The following ABCA4 variants were observed in gnomAD, a reference collection of about 807,000 sequenced individuals.
The protein encoded by ABCA4 is retinal-specific phospholipid-transporting ATPase ABCA4.
ABCA4 carries 196 observed loss-of-function variants against 263.7 expected under a neutral mutation model. The observed-to-expected ratio is 0.74, with a 90% CI of 0.66 to 0.84. The LOEUF is 0.84. ABCA4 is among the 40% of genes least tolerant of loss of function. The probability of loss-of-function intolerance (pLI) is 0.00; values close to 1 mark genes in which losing one functional copy is unlikely to be tolerated. For synonymous variants in ABCA4, 1,133 were observed against 1,094.2 expected, an observed-to-expected ratio of 1.04 and a Z score of -0.70; for missense variants, 2,792 against 2,855.1, an observed-to-expected ratio of 0.98 and a Z score of 0.50.
intron 2 of ABCA4, among the ~76,000 whole-genome samples, chr1:94,112,603 G>A (rs1662641608): frequency 6.6e-6 from 1 of 152,092 alleles, no homozygotes. Flanking sequence ...TTCAAGACCA[G>A]CCCGGGCAAT....
At chr1:94,057,602 A>G (rs1661016836) in intron 14 of ABCA4, among the ~76,000 whole-genome samples, 1 of 152,194 alleles carries the variant, frequency 6.6e-6, no homozygotes, top group Non-Finnish European at 1.5e-5. Flanking sequence ...AATCCAAATC[A>G]CTTGGAAGTG....
intron 4 of ABCA4, among the ~76,000 whole-genome samples, chr1:94,105,565 C>T (rs762777817): frequency 9.2e-5 from 13 of 141,780 alleles, no homozygotes; most frequent in Admixed American, 3.0e-4. Flanking sequence ...AAATAAATTT[C>T]GTTTAAAATG....
intron 30 of ABCA4, among the ~76,000 whole-genome samples, chr1:94,026,109 C>T (rs1161703106): frequency 6.6e-6 from 1 of 152,202 alleles, no homozygotes; most frequent in Non-Finnish European, 1.5e-5. Context: ...CTCATAAAAG[C>T]ATTCACTCTG....
At chr1:94,107,366 G>C (rs1010100848) in intron 4 of ABCA4, among the ~76,000 whole-genome samples, 1 of 152,168 alleles carries the variant, frequency 6.6e-6, no homozygotes, top group Admixed American at 6.5e-5. Flanking sequence ...ATTTTGGGGG[G>C]CTTTACTTCC....
chr1:94,113,200 C>T (rs1662660881), intron 1 of ABCA4, 134 bp from the exon 2 acceptor site: 3 of 810,148 alleles, frequency 3.7e-6, no homozygotes, highest in African/African-American at 3.4e-5. Flanking sequence ...TTTACCTAAA[C>T]AGTTTCCTTC....
intron 40 of ABCA4, among the ~76,000 whole-genome samples, chr1:94,009,380 C>G (rs1349763971): frequency 2.0e-5 from 3 of 152,130 alleles, no homozygotes. Context: ...GTCATCAGGC[C>G]ACCTCATGCC....
chr1:94,024,958 T>C lies in ABCA4; in HGVS notation c.4630A>G (p.Ser1544Gly). 1 of 1,612,764 alleles carries C rather than the reference T, an allele frequency of 6.2e-7. No individual in the cohort carries two copies. Among genetic ancestry groups the C allele is most frequent in the Non-Finnish European group, 8.5e-7 (1 of 1,178,704 alleles). The change falls in exon 31 of 50, where the codon AGC becomes GGC. Residue 1544 changes from serine to glycine, a missense_variant. Coordinates refer to ENST00000370225, the MANE Select transcript of ABCA4 (RefSeq NM_000350.3). Reference sequence around the variant, plus strand: ...CATAAAAGGATTTCTTCTTACCTGCTTCTTATAAGAGCAGGATACGTTTTT... The same window carrying C: ...CATAAAAGGATTTCTTCTTACCTGCCTCTTATAAGAGCAGGATACGTTTTT... ...LVKTYPALIR[S>G]SLKSKFWVNE...
intron 6 of ABCA4, among the ~76,000 whole-genome samples, chr1:94,086,923 C>T (rs559568064): frequency 6.6e-6 from 1 of 152,252 alleles, no homozygotes; most frequent in East Asian, 1.9e-4. Context: ...GCTGGGTAAA[C>T]AACAGAAATC....
chr1:94,019,638 A>G lies in ABCA4; in HGVS notation c.5140T>C (p.Phe1714Leu), dbSNP rs1012443608. The change falls in exon 36 of 50, where the codon TTT (phenylalanine) becomes CTT (leucine). Residue 1714 changes from phenylalanine to leucine, a missense_variant. Transcript: ENST00000370225. ...GTGGTGGGGCTCACTCCACTGATAA[A>G]CTGGAGGTGCTTGGATTTGTTCACC... The part of the protein sequence containing the change: ...ERVNKSKHLQ[F>L]ISGVSPTTYW... 1.2e-6 allele frequency: 2 copies of G among 1,612,360 alleles called. No individual in the cohort carries two copies. Among genetic ancestry groups the G allele is most frequent in the African/African-American group, 2.7e-5 (2 of 74,888 alleles).
intron 6 of ABCA4, 47 bp downstream of exon 6, chr1:94,098,747 C>T (rs764563400): frequency 2.5e-6 from 4 of 1,603,382 alleles, no homozygotes; most frequent in South Asian, 1.1e-5. Context: ...GCTCTGCTAC[C>T]CCAGGAATCA....
At position 94,044,675 on chromosome 1, in the gene ABCA4, GGTTTCAAT is replaced by G. The variant is rs1306732480; in HGVS notation, c.2980_2987del (p.Ile994GlnfsTer26). ...GGCTCTGCCGGACTGCATCCAGGCT[GGTTTCAAT>G]GTCCCTTCCCCCAACGAGCACAGTC... On this transcript the variant is annotated frameshift_variant, in exon 20 of 50. Transcript: ENST00000370225. LOFTEE classifies it high-confidence loss of function. The G allele has an allele frequency of 6.2e-7, 1 of 1,614,074 alleles. No homozygotes were observed. The highest frequency in any genetic ancestry group is 1.3e-5 in the African/African-American group (1 of 74,916).
chr1:94,011,856 TCTCCCTGCAGA>T (rs2101009386), intron 38 of ABCA4, among the ~76,000 whole-genome samples: 1 of 152,220 alleles, frequency 6.6e-6, no homozygotes, highest in East Asian at 1.9e-4. Context: ...CTTAGGGAGC[TCTCCCTGCAGA>T]CTCACTTTGA....
chr1:94,010,602 G>T (rs1461821459), intron 40 of ABCA4, 198 bp downstream of exon 40: 3 of 746,936 alleles, frequency 4.0e-6, no homozygotes, highest in Non-Finnish European at 7.0e-6. Flanking sequence ...ATTTTAAAGT[G>T]GATGCTCTTC....
chr1:94,097,995 G>A (rs544273600), intron 6 of ABCA4, among the ~76,000 whole-genome samples: 76 of 152,292 alleles, frequency 5.0e-4, no homozygotes, highest in Non-Finnish European at 7.9e-4. Context: ...CTGACCTCAT[G>A]ATCCGCCCGC....
At chr1:94,058,005 T>C (rs2101071539) in intron 14 of ABCA4, among the ~76,000 whole-genome samples, 1 of 152,336 alleles carries the variant, frequency 6.6e-6, no homozygotes, top group South Asian at 2.1e-4. Context: ...AAGAGACCAA[T>C]GAGCTGTATC....
intron 30 of ABCA4, among the ~76,000 whole-genome samples, chr1:94,027,580 G>C (rs1166004983): frequency 6.6e-6 from 1 of 152,170 alleles, no homozygotes; most frequent in African/African-American, 2.4e-5. Context: ...AGAAAATATT[G>C]CTTGAGAAAT....
At chr1:94,088,738 G>A (rs1236426828) in intron 6 of ABCA4, among the ~76,000 whole-genome samples, 1 of 152,160 alleles carries the variant, frequency 6.6e-6, no homozygotes, top group Non-Finnish European at 1.5e-5. Context: ...ACATCTGAAA[G>A]GCTACTTTAG....
At chr1:94,062,889 C>A in intron 12 of ABCA4, 136 bp from the exon 13 acceptor site, 2 of 1,100,520 alleles carry the variant, frequency 1.8e-6, no homozygotes, top group Non-Finnish European at 1.3e-6. Flanking sequence ...AATTCTATTT[C>A]CTAGTCCTCA....
At chr1:94,021,602 T>A in intron 34 of ABCA4, 38 bp downstream of exon 34, 1 of 1,573,696 alleles carries the variant, frequency 6.4e-7, no homozygotes, top group East Asian at 2.2e-5. Context: ...CTCAGGTAAA[T>A]TTTTAGCTCC....
Sources: allele counts gnomAD v4.1 joint callset (sites outside exome capture counted in the v4.1 genomes callset), GRCh38; gene constraint gnomAD v4.1.1; transcripts MANE v1.5; gene names NCBI Gene and HGNC (gene_info 2026-07-23, HGNC 2026-07-21).